The following FAM120B variants were observed in gnomAD, a reference collection of about 807,000 sequenced individuals.
The protein encoded by FAM120B is constitutive coactivator of peroxisome proliferator-activated receptor gamma.
FAM120B carries 83 observed loss-of-function variants against 96.3 expected under a neutral mutation model. The ratio of observed to expected loss-of-function variants is 0.86; its 90% confidence interval spans 0.72 to 1.03. The LOEUF (loss-of-function observed/expected upper bound fraction) is 1.03. Among genes scored for constraint, FAM120B ranks in the 50% least tolerant of loss-of-function variants. FAM120B has a pLI of 0.00. For synonymous variants in FAM120B, 407 were observed against 402.7 expected, an observed-to-expected ratio of 1.01 and a Z score of -0.13; for missense variants, 1,027 against 1,121.2, an observed-to-expected ratio of 0.92 and a Z score of 1.20.
At chr6:170,356,722 T>A (rs1192722166) in intron 5 of FAM120B, among the ~76,000 whole-genome samples, 2 of 152,140 alleles carry the variant, frequency 1.3e-5, no homozygotes, top group Admixed American at 1.3e-4. Flanking sequence ...AATCCACATA[T>A]AAGTGAACCC....
intron 3 of FAM120B, 123 bp from the exon 4 acceptor site, chr6:170,330,326 C>T: frequency 1.5e-6 from 1 of 647,860 alleles, no homozygotes; most frequent in South Asian, 1.9e-5. Context: ...TAAGGTTACT[C>T]AGTCACCTTG....
At chr6:170,314,906 A>G (rs1033156370) in intron 1 of FAM120B, among the ~76,000 whole-genome samples, 2 of 152,204 alleles carry the variant, frequency 1.3e-5, no homozygotes, top group African/African-American at 4.8e-5. Flanking sequence ...GTCACACTCT[A>G]ACTCATGATT....
intron 4 of FAM120B, among the ~76,000 whole-genome samples, chr6:170,338,738 C>A (rs971444037): frequency 6.6e-6 from 1 of 151,684 alleles, no homozygotes; most frequent in African/African-American, 2.4e-5. Flanking sequence ...GGATAGCTAC[C>A]TCTTCTTGTT....
chr6:170,348,029 T>C (rs1787309709), intron 4 of FAM120B, 122 bp from the exon 5 acceptor site: 2 of 797,990 alleles, frequency 2.5e-6, no homozygotes. Flanking sequence ...ATGTTTACTT[T>C]CTAGTTCCTT....
intron 9 of FAM120B, among the ~76,000 whole-genome samples, chr6:170,397,916 C>A (rs559528564): frequency 6.6e-6 from 1 of 152,298 alleles, no homozygotes; most frequent in African/African-American, 2.4e-5. Context: ...CTGGGCAGGG[C>A]GTGCTGTCAT....
chr6:170,330,887 A>G, intron 4 of FAM120B: 1 of 253,554 alleles, frequency 3.9e-6, no homozygotes. Flanking sequence ...CCTGATGTCT[A>G]GTTGTTGCTT....
chr6:170,341,191 A>G (rs1786801834), intron 4 of FAM120B, among the ~76,000 whole-genome samples: 2 of 152,132 alleles, frequency 1.3e-5, no homozygotes, highest in Admixed American at 1.3e-4. Context: ...CCTTTCAGAG[A>G]TGCCCTACCC....
chr6:170,402,106 C>G (rs1023760796), intron 9 of FAM120B, among the ~76,000 whole-genome samples: 1 of 152,272 alleles, frequency 6.6e-6, no homozygotes, highest in African/African-American at 2.4e-5. Context: ...GGGTGCTGTG[C>G]ACGTCCCAGG....
At chr6:170,388,209 AC>A in intron 6 of FAM120B, 77 bp from the exon 7 acceptor site, 2 of 1,249,270 alleles carry the variant, frequency 1.6e-6, no homozygotes, top group Non-Finnish European at 2.3e-6. Context: ...GAGCAGAGTA[AC>A]TTTGCAGAGC....
intron 5 of FAM120B, among the ~76,000 whole-genome samples, chr6:170,356,866 T>C (rs1787987676): frequency 6.6e-6 from 1 of 152,192 alleles, no homozygotes; most frequent in Non-Finnish European, 1.5e-5. Flanking sequence ...GTTTACATCA[T>C]AGAAATGCAT....
intron 9 of FAM120B, among the ~76,000 whole-genome samples, chr6:170,403,659 T>C (rs1258329755): frequency 6.6e-6 from 1 of 151,862 alleles, no homozygotes; most frequent in Non-Finnish European, 1.5e-5. Context: ...CTTTAACCTC[T>C]TCCTTGCTGT....
At chr6:170,296,538 G>T (rs998933621) in intron 1 of FAM120B, among the ~76,000 whole-genome samples, 7 of 151,884 alleles carry the variant, frequency 4.6e-5, no homozygotes, top group East Asian at 1.9e-4. Flanking sequence ...CCTCGTGCGG[G>T]ACTCGTGCCC....
At chr6:170,301,387 G>T (rs1784138175) in intron 1 of FAM120B, among the ~76,000 whole-genome samples, 1 of 152,234 alleles carries the variant, frequency 6.6e-6, no homozygotes, top group Admixed American at 6.5e-5. Flanking sequence ...CCTTGCCCAA[G>T]AAACCATTTT....
intron 9 of FAM120B, among the ~76,000 whole-genome samples, chr6:170,400,322 C>T (rs946037306): frequency 1.5e-5 from 1 of 65,216 alleles, no homozygotes; most frequent in South Asian, 4.5e-4. Flanking sequence ...ATGTCATTTA[C>T]AGATGTATCA....
intron 1 of FAM120B, among the ~76,000 whole-genome samples, chr6:170,311,632 C>G (rs986577132): frequency 4.6e-5 from 7 of 152,192 alleles, no homozygotes; most frequent in African/African-American, 1.7e-4. Context: ...GAAAATTCCC[C>G]AGCACTCTTA....
intron 6 of FAM120B, among the ~76,000 whole-genome samples, chr6:170,365,706 C>CAA (rs1409852674): frequency 6.6e-6 from 1 of 151,162 alleles, no homozygotes; most frequent in Admixed American, 6.6e-5. Context: ...CACACACACA[C>CAA]CCCTCCCTCC....
intron 5 of FAM120B, among the ~76,000 whole-genome samples, chr6:170,348,580 C>T (rs1191403735): frequency 6.6e-6 from 1 of 152,202 alleles, no homozygotes; most frequent in East Asian, 1.9e-4. Context: ...GTGGAAGCTG[C>T]TCTGGCCTTG....
chr6:170,348,613 G>A (rs1169401531), intron 5 of FAM120B, among the ~76,000 whole-genome samples: 3 of 152,122 alleles, frequency 2.0e-5, no homozygotes, highest in Non-Finnish European at 4.4e-5. Flanking sequence ...CAAACTTTGT[G>A]GACCATAGTG....
At chr6:170,358,850 A>G (rs1447135358) in intron 6 of FAM120B, among the ~76,000 whole-genome samples, 1 of 152,208 alleles carries the variant, frequency 6.6e-6, no homozygotes, top group Non-Finnish European at 1.5e-5. Flanking sequence ...TTAATTTCAC[A>G]AAATGGCCCA....
Sources: allele counts gnomAD v4.1 joint callset (sites outside exome capture counted in the v4.1 genomes callset), GRCh38; gene constraint gnomAD v4.1.1; transcripts MANE v1.5; gene names NCBI Gene and HGNC (gene_info 2026-07-23, HGNC 2026-07-21).